Variants in METAP1 observed in about 807,000 individuals in gnomAD.
METAP1 encodes the protein methionine aminopeptidase 1.
METAP1 carries 28 observed loss-of-function variants against 53.8 expected under a neutral mutation model. That is an observed-to-expected ratio of 0.52 (90% CI 0.39 to 0.71). The LOEUF (loss-of-function observed/expected upper bound fraction) is 0.71. Ranked by LOEUF, METAP1 falls within the 30% of genes least tolerant of loss-of-function variation. METAP1 has a pLI of 0.00. For missense variants in METAP1, 389 were observed against 479.8 expected (o/e 0.81, Z 1.77); for synonymous variants, 181 against 165.7 (o/e 1.09, Z -0.71).
At position 99,035,463 on chromosome 4, in the gene METAP1, A is replaced by G; in HGVS notation, c.340+3A>G. The G allele has an allele frequency of 1.9e-6, 3 of 1,539,788 alleles. No individual in the cohort carries two copies. Among genetic ancestry groups the G allele is most frequent in the Non-Finnish European group, 2.6e-6 (3 of 1,136,524 alleles). ...AGATTATGCTGATCATCCCTTAGGT[A>G]AGCTCTGCTATGTTGATTCTTCATT... On this transcript the variant is annotated splice_donor_region_variant and intron_variant, in intron 4 of 10. Coordinates refer to ENST00000296411, the MANE Select transcript of METAP1 (RefSeq NM_015143.3).
chr4:99,044,512 G>A (rs1324203541), intron 7 of METAP1, among the ~76,000 whole-genome samples: 4 of 152,158 alleles, frequency 2.6e-5, no homozygotes, highest in Admixed American at 2.6e-4. Flanking sequence ...TGTAGAATGT[G>A]TGAGGTTTTT....
chr4:98,996,525 T>C (rs1229173768), intron 1 of METAP1, among the ~76,000 whole-genome samples: 2 of 152,192 alleles, frequency 1.3e-5, no homozygotes, highest in African/African-American at 4.8e-5. Context: ...TTCTTTTCTT[T>C]CGGTATATAA....
intron 9 of METAP1, among the ~76,000 whole-genome samples, chr4:99,055,669 C>T (rs1727059502): frequency 6.6e-6 from 1 of 152,128 alleles, no homozygotes; most frequent in Non-Finnish European, 1.5e-5. Flanking sequence ...TCTTTGAAAT[C>T]CAAAGGGCTT....
intron 1 of METAP1, among the ~76,000 whole-genome samples, chr4:99,003,383 T>C (rs1723011709): frequency 6.6e-6 from 1 of 152,232 alleles, no homozygotes. Flanking sequence ...GGCTTAGTCG[T>C]TCAATAAAAT....
intron 5 of METAP1, among the ~76,000 whole-genome samples, 185 bp from the exon 6 acceptor site, chr4:99,040,858 A>G (rs1274977269): frequency 6.6e-6 from 1 of 151,046 alleles, no homozygotes; most frequent in East Asian, 1.9e-4. Flanking sequence ...TGTTAACCCA[A>G]TTTTTATATA....
In METAP1 at chr4:99,049,143, A is replaced by G. The variant is rs896369088; in HGVS notation, c.931+267A>G. ...TGTCATCTTTGACCTATGGCTTTCA[A>G]AGTCACTTTGGGAGTTGCCCTCCTG... On this transcript the variant is annotated intron_variant, in intron 9 of 10. Transcript: ENST00000296411. Among the ~76,000 whole-genome samples, 8 of 152,166 alleles carry G rather than the reference A, an allele frequency of 5.3e-5. No individual in the cohort carries two copies. The East Asian group carries it at 5.8e-4, about 11-fold the overall frequency.
chr4:99,038,545 G>GT, intron 4 of METAP1, among the ~76,000 whole-genome samples: 1 of 151,988 alleles, frequency 6.6e-6, no homozygotes, highest in East Asian at 1.9e-4. Context: ...GATGTATTAA[G>GT]TTTTTTTGGA....
Position 99,057,803 on chromosome 4 carries a change from C to G in METAP1, c.982C>G (p.Pro328Ala). 1 of 1,595,460 alleles carries G rather than the reference C, an allele frequency of 6.3e-7. No individual in the cohort carries two copies. Among genetic ancestry groups the G allele is most frequent in the Non-Finnish European group, 8.5e-7 (1 of 1,170,432 alleles). ...GTCGGGCCATGTATTTACAATTGAGCCAATGATTTGTGAAGGTGAGAAAAA... is the reference window on the plus strand; with the variant it reads ...GTCGGGCCATGTATTTACAATTGAGGCAATGATTTGTGAAGGTGAGAAAAA... ...MKSGHVFTIE[P>A]MICEGGWQDE... Residue 328 changes from proline to alanine, a missense_variant, in exon 10 of 11, where the codon CCA becomes GCA. Transcript: ENST00000296411.
chr4:99,005,798 C>A, intron 1 of METAP1: 1 of 428,362 alleles, frequency 2.3e-6, no homozygotes, highest in South Asian at 1.7e-5. Context: ...GGCTGTTATT[C>A]TAAGTGAAGT....
At chr4:99,002,571 C>T (rs1295899727) in intron 1 of METAP1, among the ~76,000 whole-genome samples, 1 of 152,128 alleles carries the variant, frequency 6.6e-6, no homozygotes, top group South Asian at 2.1e-4. Flanking sequence ...GTAAACGAGG[C>T]CTGCCTTTCT....
chr4:99,039,741 C>T (rs1159952994), intron 5 of METAP1, among the ~76,000 whole-genome samples: 1 of 151,894 alleles, frequency 6.6e-6, no homozygotes, highest in Non-Finnish European at 1.5e-5. Context: ...TTACAGGTGC[C>T]CACCACCACA....
At chr4:99,046,936 CAAAAAAAAAA>C (rs56702946) in intron 8 of METAP1, among the ~76,000 whole-genome samples, 70 of 82,220 alleles carry the variant, frequency 8.5e-4, no homozygotes, top group Admixed American at 2.5e-3. Context: ...ACTGAAGAAA[CAAAAAAAAAA>C]AAAAAAAAAA....
intron 7 of METAP1, among the ~76,000 whole-genome samples, chr4:99,044,068 A>G (rs1726054899): frequency 6.6e-6 from 1 of 152,098 alleles, no homozygotes; most frequent in East Asian, 1.9e-4. Flanking sequence ...ATGAGACTGC[A>G]GGCTCATTGC....
chr4:99,001,492 T>C (rs1722925455), intron 1 of METAP1, among the ~76,000 whole-genome samples: 1 of 152,232 alleles, frequency 6.6e-6, no homozygotes, highest in African/African-American at 2.4e-5. Flanking sequence ...CACACAGTTG[T>C]GTATGTTTTT....
chr4:99,029,859 G>A (rs1407233097), intron 2 of METAP1, among the ~76,000 whole-genome samples: 3 of 152,186 alleles, frequency 2.0e-5, no homozygotes, highest in Admixed American at 2.0e-4. Flanking sequence ...ATTTTAAAAA[G>A]ACAAATTTTC....
intron 1 of METAP1, among the ~76,000 whole-genome samples, chr4:98,998,697 C>G (rs922851638): frequency 2.0e-5 from 3 of 150,064 alleles, no homozygotes; most frequent in African/African-American, 7.6e-5. Context: ...AGAGGCCTTT[C>G]TATCACACCA....
At position 99,061,232 on chromosome 4, in the gene METAP1, A is replaced by C; in HGVS notation, c.1076A>C (p.His359Pro). The part of the protein sequence containing the change: ...RDGKRSAQFE[H>P]TLLVTDTGCE... ...GGAAAGCGGTCTGCTCAGTTTGAGCACACCCTCCTGGTCACAGACACTGGC... is the reference window on the plus strand; with the variant it reads ...GGAAAGCGGTCTGCTCAGTTTGAGCCCACCCTCCTGGTCACAGACACTGGC... Residue 359 changes from histidine (H) to proline (P), a missense_variant, in exon 11 of 11, where the codon CAC (histidine) becomes CCC (proline). Coordinates refer to ENST00000296411, the MANE Select transcript of METAP1 (RefSeq NM_015143.3). 6.2e-7 allele frequency: 1 copy of C among 1,614,012 alleles called. No homozygotes were observed. The highest frequency in any genetic ancestry group is 8.5e-7 in the Non-Finnish European group (1 of 1,179,890).
chr4:99,048,689 GTATTAGT>G, intron 8 of METAP1, 37 bp from the exon 9 acceptor site: 1 of 1,591,520 alleles, frequency 6.3e-7, no homozygotes, highest in Non-Finnish European at 8.6e-7. Context: ...TGCTTAGTAC[GTATTAGT>G]TATTAGTTTA....
chr4:99,059,587 AT>A (rs997454030), intron 10 of METAP1, among the ~76,000 whole-genome samples: 4 of 151,768 alleles, frequency 2.6e-5, no homozygotes, highest in East Asian at 3.9e-4. Flanking sequence ...GAAAGTATTG[AT>A]TTTTTTTTAA....
Sources: allele counts gnomAD v4.1 joint callset (sites outside exome capture counted in the v4.1 genomes callset), GRCh38; gene constraint gnomAD v4.1.1; transcripts MANE v1.5; gene names NCBI Gene and HGNC (gene_info 2026-07-23, HGNC 2026-07-21).